MED26: variants seen among roughly 807,000 people sequenced by gnomAD.
MED26 encodes mediator of RNA polymerase II transcription subunit 26.
Under a neutral mutation model 43.7 loss-of-function variants are expected in MED26, and 7 were observed. The ratio of observed to expected loss-of-function variants is 0.16; its 90% confidence interval spans 0.09 to 0.30. The LOEUF (loss-of-function observed/expected upper bound fraction) is 0.30. Among genes scored for constraint, MED26 ranks in the 10% least tolerant of loss-of-function variants. MED26 has a pLI of 1.00. For missense variants in MED26, 784 were observed against 840.6 expected, an observed-to-expected ratio of 0.93 and a Z score of 0.83; for synonymous variants, 375 against 371.1, an observed-to-expected ratio of 1.01 and a Z score of -0.12.
At position 16,575,965 on chromosome 19, in the gene MED26, C is replaced by G; in HGVS notation, c.*62G>C. On this transcript the variant is annotated 3_prime_UTR_variant, in exon 3 of 3. Coordinates refer to ENST00000263390, the MANE Select transcript of MED26 (RefSeq NM_004831.5). ...CAGCTGGGCCCCGGCCACCTGCCCA[C>G]CTGCCTGCCCGCCCACCCGGCTTCT... 6.6e-7 allele frequency: 1 copy of G among 1,517,118 alleles called. No individual in the cohort carries two copies. The highest frequency in any genetic ancestry group is 8.9e-7 in the Non-Finnish European group (1 of 1,118,688). 94.0% of individuals were successfully genotyped at this position (1,517,118 alleles called of 1,614,324 possible).
chr19:16,590,001 T>C (rs1387488190), intron 1 of MED26, among the ~76,000 whole-genome samples: 1 of 152,266 alleles, frequency 6.6e-6, no homozygotes, highest in African/African-American at 2.4e-5. Context: ...TGATGCAATG[T>C]GCACTGCACT....
chr19:16,598,752 A>G (rs947668677), intron 1 of MED26, among the ~76,000 whole-genome samples: 9 of 152,192 alleles, frequency 5.9e-5, no homozygotes, highest in African/African-American at 1.9e-4. Flanking sequence ...ACACTGGCGC[A>G]TCAGGCCTAC....
chr19:16,582,843 G>T (rs1281820053), intron 1 of MED26, among the ~76,000 whole-genome samples: 1 of 152,256 alleles, frequency 6.6e-6, no homozygotes, highest in South Asian at 2.1e-4. Context: ...GAGCTGGCCA[G>T]ACAGCACCAA....
Position 16,581,854 on chromosome 19 carries a change from G to A in MED26, c.73-3445C>T, listed in dbSNP as rs1396653914. Among the ~76,000 whole-genome samples the A allele has an allele frequency of 5.2e-5, 8 of 152,390 alleles. No homozygotes were observed. In the East Asian group the frequency reaches 1.2e-3, roughly 22 times the overall value. ...GGCCTTCAGCCTCTAGGAGCCCCAA[G>A]GGAAATGCTACAGCCTTGGCAGTCC... On this transcript the variant is annotated intron_variant, in intron 1 of 2. Transcript: ENST00000263390.
intron 1 of MED26, among the ~76,000 whole-genome samples, chr19:16,598,038 T>A (rs1439899792): frequency 6.6e-6 from 1 of 151,658 alleles, no homozygotes; most frequent in African/African-American, 2.4e-5. Context: ...AAGGCTGTTT[T>A]CAAATTACCT....
chr19:16,618,526 G>A (rs1353081642), intron 1 of MED26, among the ~76,000 whole-genome samples: 2 of 152,094 alleles, frequency 1.3e-5, no homozygotes, highest in African/African-American at 4.8e-5. Flanking sequence ...AACTCCACGC[G>A]GTGACCTCAC....
chr19:16,576,087 C>A lies in MED26; in HGVS notation c.1743G>T (p.Ser581=). 6.2e-7 allele frequency: 1 copy of A among 1,613,878 alleles called. No homozygotes were observed. The highest frequency in any genetic ancestry group is 8.5e-7 in the Non-Finnish European group (1 of 1,180,026). ...GCCCGTCGTCGCCGTGCGGATCGAG[C>A]GATATGCACTGCGTCCAGTCATACC... is the stretch of plus-strand genomic sequence containing the variant. ...GNWYDWTQCI[S]LDPHGDDGRL... The change falls in exon 3 of 3, where the codon TCG becomes TCT. Residue 581 remains serine (S), a synonymous_variant. Transcript: ENST00000263390. This position sits in a 1 kb window ranked among gnomAD's most constrained non-coding sequence, Gnocchi z 6.8.
chr19:16,577,875 TCCCAGAC>T lies in MED26; in HGVS notation c.148-200_148-194del, dbSNP rs2086020635. ...GACAATATAAATTCTCAAACCTAGT[TCCCAGAC>T]CTTCAGGGTCCCAGGTGGCTTCTCA... is the stretch of plus-strand genomic sequence containing the variant. On this transcript the variant is annotated intron_variant, in intron 2 of 2. Coordinates refer to ENST00000263390, the MANE Select transcript of MED26 (RefSeq NM_004831.5). This position sits in a 1 kb window ranked among gnomAD's most constrained non-coding sequence, Gnocchi z 8.1. 1 of 530,284 alleles carries T rather than the reference TCCCAGAC, an allele frequency of 1.9e-6. No individual in the cohort carries two copies. The highest frequency in any genetic ancestry group is 3.3e-6 in the Non-Finnish European group (1 of 304,178). 32.8% of individuals were successfully genotyped at this position (530,284 alleles called of 1,614,324 possible). A position where few individuals can be genotyped will look rare whatever the true frequency, so the allele number is the denominator to read the frequency against.
At position 16,576,118 on chromosome 19, in the gene MED26, C is replaced by T. The variant is rs1391603222; in HGVS notation, c.1712G>A (p.Gly571Asp). The change falls in exon 3 of 3, where the codon GGT (glycine) becomes GAT (aspartate). Residue 571 changes from glycine (G) to aspartate (D), a missense_variant. By Grantham distance (94) the Gly-to-Asp change is moderately conservative. Around this residue, in one of 3 missense-constraint regions of MED26, gnomAD observed 719 missense variants for 730.9 expected, o/e 0.98. Transcript: ENST00000263390. The surrounding 1 kb of genome is among the most constrained non-coding windows in gnomAD (Gnocchi z 6.8). ...GCACTGCGTCCAGTCATACCAGTTACCCTGTGTGTCCTGACACCCGTTCAC... is the reference window on the plus strand; with the variant it reads ...GCACTGCGTCCAGTCATACCAGTTATCCTGTGTGTCCTGACACCCGTTCAC... ...PGVNGCQDTQ[G>D]NWYDWTQCIS... 6.2e-7 allele frequency: 1 copy of T among 1,614,024 alleles called. No individual in the cohort carries two copies. Among genetic ancestry groups the T allele is most frequent in the African/African-American group, 1.3e-5 (1 of 75,050 alleles).
chr19:16,583,039 TA>T (rs1414249515), intron 1 of MED26, among the ~76,000 whole-genome samples: 2 of 152,226 alleles, frequency 1.3e-5, no homozygotes, highest in African/African-American at 4.8e-5. Context: ...GGAAGTACAC[TA>T]GATCCTAATC....
chr19:16,608,887 ATTAAAC>A (rs1471592037), intron 1 of MED26, among the ~76,000 whole-genome samples: 5 of 152,264 alleles, frequency 3.3e-5, no homozygotes, highest in Admixed American at 6.5e-5. Flanking sequence ...TAATAATGCA[ATTAAAC>A]TTAAAAAGCG....
chr19:16,577,677 T>C lies in MED26; in HGVS notation c.153A>G (p.Thr51=). The stretch of plus-strand genomic sequence containing the variant: ...CGTCGTTGATGAGCTTCCCAAGTCG[T>C]GTTTCCTACAACCAGAGGGAGATGA... The part of the protein sequence containing the change: ...YPITKEALEE[T]RLGKLINDVR... The change falls in exon 3 of 3, where the codon ACA becomes ACG. Residue 51 remains threonine (T), a synonymous_variant. Transcript: ENST00000263390. The surrounding 1 kb of genome is among the most constrained non-coding windows in gnomAD (Gnocchi z 8.1). 1 of 1,569,096 alleles carries C rather than the reference T, an allele frequency of 6.4e-7. No individual in the cohort carries two copies. The highest frequency in any genetic ancestry group is 8.7e-7 in the Non-Finnish European group (1 of 1,151,934).
At chr19:16,606,410 G>A (rs530390479) in intron 1 of MED26, among the ~76,000 whole-genome samples, 1 of 152,264 alleles carries the variant, frequency 6.6e-6, no homozygotes, top group South Asian at 2.1e-4. Flanking sequence ...AAATAAGCTG[G>A]GTGTGGTGGC....
chr19:16,580,891 G>T (rs925030102), intron 1 of MED26, among the ~76,000 whole-genome samples: 1 of 152,158 alleles, frequency 6.6e-6, no homozygotes, highest in Non-Finnish European at 1.5e-5. Flanking sequence ...CTGCCCAGAT[G>T]ATCTCGGATC....
chr19:16,608,248 T>C (rs1395084346), intron 1 of MED26, among the ~76,000 whole-genome samples: 1 of 152,258 alleles, frequency 6.6e-6, no homozygotes, highest in Non-Finnish European at 1.5e-5. Context: ...AAGGAGCCAT[T>C]ACTAACAATT....
chr19:16,576,769 G>T lies in MED26; in HGVS notation c.1061C>A (p.Pro354Gln), dbSNP rs764771633. The T allele has an allele frequency of 2.5e-6, 4 of 1,605,504 alleles. No individual in the cohort carries two copies. In the African/African-American group the frequency reaches 4.0e-5, roughly 16 times the overall value. Residue 354 changes from proline (P) to glutamine (Q), a missense_variant, in exon 3 of 3, where the codon CCG becomes CAG. Physicochemically the swap from Pro to Gln is moderately conservative, Grantham distance 76 (BLOSUM62 -1). This residue lies in a region of MED26 where 719 missense variants were observed against 730.9 expected (regional missense o/e 0.98). Transcript: ENST00000263390. This position sits in a 1 kb window ranked among gnomAD's most constrained non-coding sequence, Gnocchi z 6.8. ...TGGGGACAGCCCTGCCTTGCAGCCC[G>T]GCCCCGCCAGCCGCTGGTGGCTCTC... is the stretch of plus-strand genomic sequence containing the variant. ...QPESHQRLAGPGCKAGLSPAE... is the reference protein window; with the variant it reads ...QPESHQRLAGQGCKAGLSPAE...
rs755854307 is a variant in MED26, at chr19:16,577,155, G to C, written c.675C>G (p.Ala225=). The change falls in exon 3 of 3, where the codon GCC becomes GCG. Residue 225 remains alanine (A), a synonymous_variant. Coordinates refer to ENST00000263390, the MANE Select transcript of MED26 (RefSeq NM_004831.5). This position sits in a 1 kb window ranked among gnomAD's most constrained non-coding sequence, Gnocchi z 8.1. ...DKHSGKIPVN[A]VRPHTSSPGL... ...CCGGGGAGCTGGTGTGCGGTCGCAC[G>C]GCGTTGACGGGGATCTTGCCACTGT... The C allele has an allele frequency of 4.2e-5, 68 of 1,613,302 alleles. 1 individual carries two copies. The South Asian group carries it at 7.1e-4, about 17-fold the overall frequency.
At chr19:16,585,526 G>T (rs895035738) in intron 1 of MED26, among the ~76,000 whole-genome samples, 1 of 152,132 alleles carries the variant, frequency 6.6e-6, no homozygotes, top group Admixed American at 6.5e-5. Context: ...TCCAGGACCT[G>T]CCCAGCCCCA....
intron 1 of MED26, among the ~76,000 whole-genome samples, chr19:16,582,709 C>A: frequency 6.6e-6 from 1 of 152,088 alleles, no homozygotes; most frequent in East Asian, 1.9e-4. Context: ...AGGGGGAGGG[C>A]AGCACCTAAG....
Sources: gnomAD v4.1 joint callset for allele counts (sites outside exome capture counted in the v4.1 genomes callset) on GRCh38, gnomAD v4.1.1 for gene constraint, gnomAD v4.1.1 regional missense constraint, Gnocchi (gnomAD v3.1) non-coding constraint, MANE v1.5 for transcripts, NCBI Gene and HGNC (gene_info 2026-07-23, HGNC 2026-07-21) for gene names.